CRISP1: variants seen among roughly 807,000 people sequenced by gnomAD.
CRISP1 encodes the protein cysteine-rich secretory protein 1.
A neutral mutation model predicts 33.1 loss-of-function variants in CRISP1; 44 were observed. The observed-to-expected ratio is 1.33, with a 90% confidence interval of 1.05 to 1.71. CRISP1 has a LOEUF of 1.71. CRISP1 is among the 40% of genes most tolerant of loss of function. The pLI is 0.00. For missense variants in CRISP1, 390 were observed against 301.2 expected, an observed-to-expected ratio of 1.29 and a Z score of -2.18; for synonymous variants, 103 against 98.7, an observed-to-expected ratio of 1.04 and a Z score of -0.26.
intron 5 of CRISP1, 22 bp downstream of exon 5, chr6:49,846,498 T>G: frequency 1.2e-6 from 2 of 1,608,262 alleles, no homozygotes; most frequent in Non-Finnish European, 1.7e-6. Flanking sequence ...ACAATGTGTG[T>G]GTTTGCCAGC....
At chr6:49,860,419 T>C (rs528082440) in intron 1 of CRISP1, among the ~76,000 whole-genome samples, 2 of 152,084 alleles carry the variant, frequency 1.3e-5, no homozygotes, top group Non-Finnish European at 2.9e-5. Flanking sequence ...ATGTCAAGTA[T>C]CTTCTCTAAC....
chr6:49,858,536 G>A (rs1771556283), intron 1 of CRISP1, among the ~76,000 whole-genome samples: 2 of 152,294 alleles, frequency 1.3e-5, no homozygotes, highest in South Asian at 2.1e-4. Context: ...TGCCAGACAT[G>A]CTCAATATGA....
At chr6:49,867,907 A>G (rs1480752412), upstream of CRISP1, among the ~76,000 whole-genome samples, 2 of 152,206 alleles carry the variant, frequency 1.3e-5, no homozygotes, top group Non-Finnish European at 2.9e-5. Context: ...AGAAAGCTGC[A>G]AAAGAATGCT....
At chr6:49,838,385 G>A in intron 7 of CRISP1, 52 bp downstream of exon 7, 1 of 1,271,262 alleles carries the variant, frequency 7.9e-7, no homozygotes, top group Non-Finnish European at 1.1e-6. Flanking sequence ...AGGATGTATG[G>A]TTCCCAGATC....
At chr6:49,843,159 T>C (rs1771047726) in intron 5 of CRISP1, among the ~76,000 whole-genome samples, 1 of 152,158 alleles carries the variant, frequency 6.6e-6, no homozygotes, top group African/African-American at 2.4e-5. Flanking sequence ...GCCACAAATT[T>C]CTTAGATTTT....
chr6:49,862,940 T>G (rs1771694011), intron 1 of CRISP1, among the ~76,000 whole-genome samples: 1 of 152,166 alleles, frequency 6.6e-6, no homozygotes, highest in South Asian at 2.1e-4. Context: ...AGAAGTAAAT[T>G]AAGCATTTCA....
intron 4 of CRISP1, among the ~76,000 whole-genome samples, chr6:49,847,595 G>C (rs754500241): frequency 1.3e-5 from 2 of 152,110 alleles, no homozygotes; most frequent in African/African-American, 4.8e-5. Context: ...TGTACAGCCC[G>C]CAGAGTCATA....
chr6:49,852,064 G>A lies in CRISP1; in HGVS notation c.132C>T (p.Ile44=), dbSNP rs1488259414. ...TCCTGAGGGCGTTGTGTATATTAAC[G>A]ATCTCTTCTTGTACATTTGGCAAGT... The part of the protein sequence containing the change: ...VTDLPNVQEE[I]VNIHNALRRR... Residue 44 remains isoleucine (I), a synonymous_variant, in exon 3 of 8, where the codon ATC becomes ATT. Coordinates refer to ENST00000335847, the MANE Select transcript of CRISP1 (RefSeq NM_001131.3). The A allele has an allele frequency of 1.9e-6, 3 of 1,613,292 alleles. No individual in the cohort carries two copies. Among genetic ancestry groups the A allele is most frequent in the Non-Finnish European group, 1.7e-6 (2 of 1,179,544 alleles).
intron 1 of CRISP1, 117 bp from the exon 2 acceptor site, chr6:49,857,519 T>C (rs1345892495): frequency 1.1e-6 from 1 of 870,778 alleles, no homozygotes. Flanking sequence ...AAGAAACCTT[T>C]AGGATCCGAA....
chr6:49,867,110 C>G (rs1000968567), upstream of CRISP1, among the ~76,000 whole-genome samples: 1 of 152,090 alleles, frequency 6.6e-6, no homozygotes, highest in Non-Finnish European at 1.5e-5. Flanking sequence ...AACTAACTAC[C>G]TTGAGAGGTC....
At chr6:49,855,612 T>G (rs1470471430) in intron 2 of CRISP1, among the ~76,000 whole-genome samples, 1 of 152,180 alleles carries the variant, frequency 6.6e-6, no homozygotes, top group Non-Finnish European at 1.5e-5. Flanking sequence ...CAGAGACGAT[T>G]CAGCCTGCCT....
chr6:49,846,779 T>C, intron 4 of CRISP1, 111 bp from the exon 5 acceptor site: 1 of 1,035,996 alleles, frequency 9.7e-7, no homozygotes, highest in Non-Finnish European at 1.4e-6. Context: ...CTTGACAACA[T>C]CTTCTGAGAG....
At chr6:49,841,088 G>A in intron 5 of CRISP1, 93 bp from the exon 6 acceptor site, 1 of 1,163,802 alleles carries the variant, frequency 8.6e-7, no homozygotes, top group Admixed American at 1.9e-5. Context: ...AAGTAAACAT[G>A]TTGCTTTTAG....
At chr6:49,866,141 C>A (rs1771793919) in intron 1 of CRISP1, among the ~76,000 whole-genome samples, 1 of 151,986 alleles carries the variant, frequency 6.6e-6, no homozygotes, top group Admixed American at 6.6e-5. Context: ...TCTATATAAC[C>A]CTATGGTAAT....
At chr6:49,835,810 G>T (rs1351780052) in intron 7 of CRISP1, among the ~76,000 whole-genome samples, 1 of 152,026 alleles carries the variant, frequency 6.6e-6, no homozygotes, top group African/African-American at 2.4e-5. Context: ...ATTATTTAAT[G>T]GTTAAAGATT....
intron 1 of CRISP1, among the ~76,000 whole-genome samples, chr6:49,859,766 A>T (rs886566453): frequency 1.3e-5 from 2 of 152,204 alleles, no homozygotes; most frequent in Non-Finnish European, 2.9e-5. Flanking sequence ...TGACATATCA[A>T]TAATAACATT....
At chr6:49,872,569 A>T (rs1172328962) in intron 1 of CRISP1, among the ~76,000 whole-genome samples, 1 of 152,028 alleles carries the variant, frequency 6.6e-6, no homozygotes, top group African/African-American at 2.4e-5. Context: ...TCCTGAATTA[A>T]TTTTTGTATA....
intron 2 of CRISP1, among the ~76,000 whole-genome samples, chr6:49,854,467 A>C (rs1438426240): frequency 6.6e-6 from 1 of 152,160 alleles, no homozygotes; most frequent in Non-Finnish European, 1.5e-5. Context: ...TCCCAGGCTC[A>C]AGCGATTCTC....
intron 1 of CRISP1, among the ~76,000 whole-genome samples, chr6:49,876,134 G>T (rs1255791500): frequency 6.6e-6 from 1 of 151,938 alleles, no homozygotes; most frequent in East Asian, 1.9e-4. Context: ...AATTTTTTCG[G>T]TCTATTCATC....
Sources: gnomAD v4.1 joint callset for allele counts (sites outside exome capture counted in the v4.1 genomes callset) on GRCh38, gnomAD v4.1.1 for gene constraint, MANE v1.5 for transcripts, NCBI Gene and HGNC (gene_info 2026-07-23, HGNC 2026-07-21) for gene names.